GALNT18: variants seen among roughly 807,000 people sequenced by gnomAD.
The protein encoded by GALNT18 is GalNAc-transferase 18.
In GALNT18, 44 loss-of-function variants were observed where a neutral mutation model predicts 69.5. That is an observed-to-expected ratio of 0.63 (90% CI 0.50 to 0.81). The LOEUF (loss-of-function observed/expected upper bound fraction) is 0.81. Ranked by LOEUF, GALNT18 falls within the 40% of genes least tolerant of loss-of-function variation. The pLI, the probability that GALNT18 is intolerant of heterozygous loss-of-function variation, is 0.00. For missense variants in GALNT18, 715 were observed against 810.0 expected (o/e 0.88, Z 1.42); for synonymous variants, 364 against 318.2 (o/e 1.14, Z -1.53).
At chr11:11,488,795 C>T (rs1856696715) in intron 1 of GALNT18, among the ~76,000 whole-genome samples, 1 of 152,146 alleles carries the variant, frequency 6.6e-6, no homozygotes, top group Non-Finnish European at 1.5e-5. Context: ...ATGGACCCAA[C>T]TCACCACATG....
At chr11:11,278,633 C>T (rs1701032849) in intron 10 of GALNT18, among the ~76,000 whole-genome samples, 1 of 151,504 alleles carries the variant, frequency 6.6e-6, no homozygotes, top group Non-Finnish European at 1.5e-5. Flanking sequence ...TTCTTACTCA[C>T]ATATGGGAGT....
rs550460047 is a variant in GALNT18, at chr11:11,395,848, G to C, written c.596-16584C>G. On this transcript the variant is annotated intron_variant, in intron 3 of 10. Coordinates refer to ENST00000227756, the MANE Select transcript of GALNT18 (RefSeq NM_198516.3). ...CTCTGAAACGCTGGGGAAACAGGAG[G>C]GGAAAGCTAGACCTTCTGTAGGCAA... is the stretch of plus-strand genomic sequence containing the variant. Among the ~76,000 whole-genome samples the C allele has an allele frequency of 2.0e-5, 3 of 152,282 alleles. No individual in the cohort carries two copies. In the East Asian group the frequency reaches 5.8e-4, roughly 29 times the overall value.
At chr11:11,328,666 T>C (rs1343791609) in intron 8 of GALNT18, among the ~76,000 whole-genome samples, 1 of 152,212 alleles carries the variant, frequency 6.6e-6, no homozygotes, top group East Asian at 1.9e-4. Context: ...ATTGCATGAA[T>C]GTGTGTCTCA....
chr11:11,481,361 A>C (rs1360435840), intron 1 of GALNT18, among the ~76,000 whole-genome samples: 1 of 152,118 alleles, frequency 6.6e-6, no homozygotes, highest in Non-Finnish European at 1.5e-5. Context: ...TTGGGCAAGC[A>C]TTTGAGCTCA....
At chr11:11,365,124 C>T (rs1202978263) in intron 6 of GALNT18, among the ~76,000 whole-genome samples, 1 of 151,990 alleles carries the variant, frequency 6.6e-6, no homozygotes. Context: ...CCTATGGACC[C>T]ATCCTTTAAG....
At position 11,274,182 on chromosome 11, in the gene GALNT18, G is replaced by C. The variant is rs140881092; in HGVS notation, c.1678-2892C>G. Among the ~76,000 whole-genome samples, 84 of 152,338 alleles carry C rather than the reference G, an allele frequency of 5.5e-4. 1 individual carries two copies. Among genetic ancestry groups the C allele is most frequent in the African/African-American group, 1.8e-3 (76 of 41,576 alleles). ...ATACTGTGCTTTTCCCACGGTCTTT[G>C]CAACTGGCAGACCAGGACCAGGTGT... On this transcript the variant is annotated intron_variant, in intron 10 of 10. Transcript: ENST00000227756.
intron 3 of GALNT18, among the ~76,000 whole-genome samples, chr11:11,388,480 T>G (rs1323499283): frequency 6.6e-6 from 1 of 152,218 alleles, no homozygotes; most frequent in Non-Finnish European, 1.5e-5. Context: ...TTTCTTCCTC[T>G]CTCTCTCAAA....
In GALNT18 at chr11:11,340,680, T is replaced by G; in HGVS notation, c.1278+139A>C. 1.4e-6 allele frequency: 1 copy of G among 709,166 alleles called. No individual in the cohort carries two copies. The highest frequency in any genetic ancestry group is 2.3e-6 in the Non-Finnish European group (1 of 439,744). 43.9% of individuals were successfully genotyped at this position (709,166 alleles called of 1,614,324 possible). The stretch of plus-strand genomic sequence containing the variant: ...GGCCCCTTTTCTTCAGCAAATAATA[T>G]GTTTTGGGGTTGAGAGTCCATTCTT... On this transcript the variant is annotated intron_variant, in intron 7 of 10. Coordinates refer to ENST00000227756, the MANE Select transcript of GALNT18 (RefSeq NM_198516.3). The surrounding 1 kb of genome is among the most constrained non-coding windows in gnomAD (Gnocchi z 4.2).
intron 1 of GALNT18, among the ~76,000 whole-genome samples, chr11:11,522,584 T>C (rs1044024416): frequency 6.6e-6 from 1 of 152,218 alleles, no homozygotes; most frequent in African/African-American, 2.4e-5. Context: ...GACTGGTCCA[T>C]GCCACATGCC....
intron 10 of GALNT18, among the ~76,000 whole-genome samples, chr11:11,289,211 G>A (rs1849253143): frequency 6.6e-6 from 1 of 152,202 alleles, no homozygotes; most frequent in African/African-American, 2.4e-5. Context: ...GATAAATATC[G>A]ATCATTTTGC....
chr11:11,390,717 A>C (rs1447058147), intron 3 of GALNT18, among the ~76,000 whole-genome samples: 1 of 152,166 alleles, frequency 6.6e-6, no homozygotes, highest in Non-Finnish European at 1.5e-5. Flanking sequence ...TGTATTCTCA[A>C]AGGGAGGGGT....
In GALNT18 at chr11:11,497,370, A is replaced by C. The variant is rs76327961; in HGVS notation, c.236-48434T>G. Among the ~76,000 whole-genome samples the C allele has an allele frequency of 1.4e-3, 189 of 134,688 alleles. No individual in the cohort carries two copies. The highest frequency in any genetic ancestry group is 3.4e-3 in the African/African-American group (111 of 33,018). 88.4% of individuals were successfully genotyped at this position (134,688 alleles called of 152,430 possible). A position where few individuals can be genotyped will look rare whatever the true frequency, so the allele number is the denominator to read the frequency against. ...CACACACACACACACACACACACACACCCCTTAGAATGGGGCTCCTTAAGA... is the reference window on the plus strand; with the variant it reads ...CACACACACACACACACACACACACCCCCCTTAGAATGGGGCTCCTTAAGA... On this transcript the variant is annotated intron_variant, in intron 1 of 10. Coordinates refer to ENST00000227756, the MANE Select transcript of GALNT18 (RefSeq NM_198516.3). The surrounding 1 kb of genome is among the most constrained non-coding windows in gnomAD (Gnocchi z 4.2).
At chr11:11,569,565 C>T (rs571647845) in intron 1 of GALNT18, among the ~76,000 whole-genome samples, 63 of 152,316 alleles carry the variant, frequency 4.1e-4, no homozygotes, top group African/African-American at 1.5e-3. Context: ...TTCCCAAAGC[C>T]TCGTTTGAGT....
intron 1 of GALNT18, among the ~76,000 whole-genome samples, chr11:11,479,746 A>G (rs1295960531): frequency 3.9e-5 from 6 of 152,206 alleles, no homozygotes; most frequent in Non-Finnish European, 8.8e-5. Context: ...TCATTGATTC[A>G]TCTGTAGCCT....
intron 2 of GALNT18, among the ~76,000 whole-genome samples, chr11:11,445,505 G>A (rs1480176645): frequency 6.6e-6 from 1 of 152,230 alleles, no homozygotes; most frequent in Admixed American, 6.5e-5. Context: ...TTGTTACAAG[G>A]CAGGGATGTT....
At chr11:11,529,488 A>G (rs1295218135) in intron 1 of GALNT18, among the ~76,000 whole-genome samples, 29 of 152,162 alleles carry the variant, frequency 1.9e-4, no homozygotes, top group Non-Finnish European at 8.8e-5. Context: ...AACTTACACC[A>G]TCTGCTCTCC....
chr11:11,554,411 CCAGCATGTCTTT>C (rs1327455247), intron 1 of GALNT18, among the ~76,000 whole-genome samples: 7 of 151,202 alleles, frequency 4.6e-5, no homozygotes, highest in South Asian at 4.2e-4. Context: ...TAATCTGTCT[CCAGCATGTCTTT>C]CAGCATGTCT....
chr11:11,429,429 C>G (rs929655087), intron 3 of GALNT18, among the ~76,000 whole-genome samples: 2 of 152,326 alleles, frequency 1.3e-5, no homozygotes, highest in African/African-American at 4.8e-5. Flanking sequence ...AATTACTCCA[C>G]GCGTGAGACT....
Position 11,614,891 on chromosome 11 carries a change from A to C in GALNT18, c.235+6468T>G, listed in dbSNP as rs1461255339. Among the ~76,000 whole-genome samples the C allele has an allele frequency of 6.6e-6, 1 of 152,208 alleles. No homozygotes were observed. The highest frequency in any genetic ancestry group is 2.4e-5 in the African/African-American group (1 of 41,448). Reference sequence around the variant, plus strand: ...GGAATTCATTTATTTTACAGCCTACACACTTCTGGCTAAAAATGAAGATTC... The same window carrying C: ...GGAATTCATTTATTTTACAGCCTACCCACTTCTGGCTAAAAATGAAGATTC... On this transcript the variant is annotated intron_variant, in intron 1 of 10. Transcript: ENST00000227756. This position sits in a 1 kb window ranked among gnomAD's most constrained non-coding sequence, Gnocchi z 5.6.
Sources: gnomAD v4.1 joint callset for allele counts (sites outside exome capture counted in the v4.1 genomes callset) on GRCh38, gnomAD v4.1.1 for gene constraint, Gnocchi (gnomAD v3.1) non-coding constraint, MANE v1.5 for transcripts, NCBI Gene and HGNC (gene_info 2026-07-23, HGNC 2026-07-21) for gene names.